Variants in ITPR2 observed in about 807,000 individuals in gnomAD.
ITPR2 encodes the protein inositol 1,4,5-trisphosphate receptor type 2, also known as inositol 1,4,5-trisphosphate-gated calcium channel ITPR2.
Under a neutral mutation model 317.1 loss-of-function variants are expected in ITPR2, and 207 were observed. The observed-to-expected ratio is 0.65, with a 90% CI of 0.58 to 0.73. The LOEUF (loss-of-function observed/expected upper bound fraction) is 0.73. Among genes scored for constraint, ITPR2 ranks in the 30% least tolerant of loss-of-function variants. The pLI, the probability that ITPR2 is intolerant of heterozygous loss-of-function variation, is 0.00. For missense variants in ITPR2, 2,613 were observed against 3,284.0 expected (o/e 0.80, Z 4.99); for synonymous variants, 1,156 against 1,149.1 (o/e 1.01, Z -0.12).
At chr12:26,424,790 C>T in intron 49 of ITPR2, among the ~76,000 whole-genome samples, 1 of 151,708 alleles carries the variant, frequency 6.6e-6, no homozygotes, top group South Asian at 2.1e-4. Context: ...AACAGAATCC[C>T]ATTTTGTCAC....
chr12:26,342,573 T>C (rs1421085527), intron 55 of ITPR2, among the ~76,000 whole-genome samples: 3 of 148,018 alleles, frequency 2.0e-5, no homozygotes, highest in Non-Finnish European at 4.5e-5. Context: ...AAGTGAGCTA[T>C]CATTCTTTTT....
At chr12:26,702,818 CT>C (rs1378912799) in intron 9 of ITPR2, among the ~76,000 whole-genome samples, 1 of 152,130 alleles carries the variant, frequency 6.6e-6, no homozygotes, top group Non-Finnish European at 1.5e-5. Flanking sequence ...CCTTGGTTAG[CT>C]TTACTATCTT....
intron 2 of ITPR2, among the ~76,000 whole-genome samples, chr12:26,727,279 T>C (rs1396617696): frequency 6.6e-6 from 1 of 152,196 alleles, no homozygotes; most frequent in Admixed American, 6.5e-5. Context: ...CCCAATTTAA[T>C]ACAGCAGACT....
At chr12:26,588,206 G>C (rs943386657) in intron 32 of ITPR2, among the ~76,000 whole-genome samples, 2 of 152,166 alleles carry the variant, frequency 1.3e-5, no homozygotes, top group African/African-American at 4.8e-5. Flanking sequence ...AGAAAGTTAT[G>C]AGAGTAAATG....
intron 55 of ITPR2, among the ~76,000 whole-genome samples, chr12:26,347,755 G>A (rs1052389889): frequency 2.0e-5 from 3 of 152,172 alleles, no homozygotes; most frequent in South Asian, 2.1e-4. Flanking sequence ...GTATGCTAAC[G>A]ATTGATTTAT....
chr12:26,651,077 T>C (rs1947242136), intron 21 of ITPR2, among the ~76,000 whole-genome samples: 1 of 152,226 alleles, frequency 6.6e-6, no homozygotes, highest in African/African-American at 2.4e-5. Flanking sequence ...CATCTTATTA[T>C]GCTCTTAGAG....
At chr12:26,688,622 C>A (rs1948176739) in intron 10 of ITPR2, among the ~76,000 whole-genome samples, 1 of 152,024 alleles carries the variant, frequency 6.6e-6, no homozygotes, top group Non-Finnish European at 1.5e-5. Context: ...AAGAGGGGAG[C>A]AGTAGATGGT....
chr12:26,436,362 T>C lies in ITPR2; in HGVS notation c.6644-16A>G. 6.3e-7 allele frequency: 1 copy of C among 1,598,698 alleles called. No homozygotes were observed. The highest frequency in any genetic ancestry group is 1.1e-5 in the South Asian group (1 of 87,492). ...GCAGGGTTATCTAGGAAGTGAGAAATGTAAAGGAACTGAACAGGAAAATAC... is the reference window on the plus strand; with the variant it reads ...GCAGGGTTATCTAGGAAGTGAGAAACGTAAAGGAACTGAACAGGAAAATAC... On this transcript the variant is annotated splice_polypyrimidine_tract_variant and intron_variant, in intron 47 of 56. Coordinates refer to ENST00000381340, the MANE Select transcript of ITPR2 (RefSeq NM_002223.4).
At chr12:26,340,839 A>G (rs988810746) in intron 55 of ITPR2, among the ~76,000 whole-genome samples, 1 of 152,126 alleles carries the variant, frequency 6.6e-6, no homozygotes, top group African/African-American at 2.4e-5. Context: ...GCTCCACTTG[A>G]GGAAGAGGGA....
intron 55 of ITPR2, among the ~76,000 whole-genome samples, chr12:26,351,749 G>A (rs559676159): frequency 3.3e-5 from 5 of 152,252 alleles, no homozygotes; most frequent in African/African-American, 1.2e-4. Context: ...TTTTTCCTGT[G>A]TTTTTCTTTT....
At chr12:26,789,304 A>T (rs1950305897) in intron 2 of ITPR2, among the ~76,000 whole-genome samples, 1 of 152,244 alleles carries the variant, frequency 6.6e-6, no homozygotes, top group African/African-American at 2.4e-5. Context: ...CCTATCCCAG[A>T]GAGTAAAACA....
intron 48 of ITPR2, among the ~76,000 whole-genome samples, chr12:26,430,075 T>C (rs753932679): frequency 3.9e-5 from 6 of 152,236 alleles, no homozygotes; most frequent in Non-Finnish European, 7.3e-5. Context: ...TGAAAAGAAC[T>C]CAAAGAGTGT....
intron 2 of ITPR2, among the ~76,000 whole-genome samples, chr12:26,744,250 C>A (rs746966953): frequency 2.6e-5 from 4 of 152,222 alleles, no homozygotes; most frequent in Non-Finnish European, 5.9e-5. Flanking sequence ...TCCTAGTGAC[C>A]AGCCCGACCT....
chr12:26,362,451 A>G (rs1938863235), intron 55 of ITPR2, among the ~76,000 whole-genome samples: 2 of 152,216 alleles, frequency 1.3e-5, no homozygotes, highest in Non-Finnish European at 2.9e-5. Flanking sequence ...TGCCTAGCCC[A>G]CAAGCCCAGC....
intron 2 of ITPR2, among the ~76,000 whole-genome samples, chr12:26,787,332 G>A (rs1950272833): frequency 6.6e-6 from 1 of 152,204 alleles, no homozygotes; most frequent in East Asian, 1.9e-4. Flanking sequence ...GAAAATGAGA[G>A]TAAACCAGCA....
At chr12:26,360,449 C>G (rs1938790556) in intron 55 of ITPR2, among the ~76,000 whole-genome samples, 1 of 152,188 alleles carries the variant, frequency 6.6e-6, no homozygotes, top group Admixed American at 6.5e-5. Flanking sequence ...GCCCAGGAAG[C>G]CTTGCCCTGA....
At chr12:26,749,302 G>A (rs1395611160) in intron 2 of ITPR2, among the ~76,000 whole-genome samples, 1 of 152,176 alleles carries the variant, frequency 6.6e-6, no homozygotes, top group Admixed American at 6.5e-5. Context: ...ATACATTTCT[G>A]GAAGAAAAGT....
chr12:26,521,312 T>A (rs926731735), intron 37 of ITPR2, among the ~76,000 whole-genome samples: 1 of 152,176 alleles, frequency 6.6e-6, no homozygotes, highest in Non-Finnish European at 1.5e-5. Flanking sequence ...AAAAATAATT[T>A]CTATTAATTA....
At position 26,632,018 on chromosome 12, in the gene ITPR2, T is replaced by C; in HGVS notation, c.2782A>G (p.Met928Val). The C allele has an allele frequency of 6.2e-7, 1 of 1,601,116 alleles. No homozygotes were observed. The highest frequency in any genetic ancestry group is 8.5e-7 in the Non-Finnish European group (1 of 1,174,816). Reference sequence around the variant, plus strand: ...CCTCTACTGAGTACCATCTGGGTCATCATCTCTCCCACCCCATGAATGGTT... The same window carrying C: ...CCTCTACTGAGTACCATCTGGGTCACCATCTCTCCCACCCCATGAATGGTT... ...MRTIHGVGEM[M>V]TQMVLSRGSI... Residue 928 changes from methionine (M) to valine (V), a missense_variant, in exon 22 of 57, where the codon ATG becomes GTG. By Grantham distance (21) the Met-to-Val change is conservative. Around this residue, in one of 9 missense-constraint regions of ITPR2, gnomAD observed 817 missense variants for 897.6 expected, o/e 0.91. Coordinates refer to ENST00000381340, the MANE Select transcript of ITPR2 (RefSeq NM_002223.4).
Sources: allele counts gnomAD v4.1 joint callset (sites outside exome capture counted in the v4.1 genomes callset), GRCh38; gene constraint gnomAD v4.1.1; regional missense constraint gnomAD v4.1.1; transcripts MANE v1.5; gene names NCBI Gene and HGNC (gene_info 2026-07-23, HGNC 2026-07-21).